Variants in HYCC1 observed in about 807,000 individuals in gnomAD.
HYCC1 encodes hyccin PI4KA lipid kinase complex subunit 1.
the HYCC1 span, among the ~76,000 whole-genome samples, chr7:23,007,869 G>C: frequency 6.6e-6 from 1 of 151,962 alleles, no homozygotes; most frequent in Admixed American, 6.6e-5. Context: ...CATTAAGAGG[G>C]CATGTGATCA....
At chr7:22,993,029 G>A in the HYCC1 span, among the ~76,000 whole-genome samples, 3 of 152,096 alleles carry the variant, frequency 2.0e-5, no homozygotes, top group Non-Finnish European at 4.4e-5. Context: ...GGCACTGTCA[G>A]AAGAATAGAA....
chr7:22,900,340 T>C, the HYCC1 span, among the ~76,000 whole-genome samples: 1 of 152,260 alleles, frequency 6.6e-6, no homozygotes, highest in Non-Finnish European at 1.5e-5. Context: ...CCTTCTTTCC[T>C]ACTAGCAAAT....
the HYCC1 span, among the ~76,000 whole-genome samples, chr7:22,983,222 G>C: frequency 1.3e-5 from 2 of 151,818 alleles, no homozygotes; most frequent in African/African-American, 4.8e-5. Context: ...CCAGCTATTG[G>C]GGGTGCTGAG....
chr7:22,956,924 A>G, the HYCC1 span, among the ~76,000 whole-genome samples: 1 of 151,974 alleles, frequency 6.6e-6, no homozygotes, highest in Non-Finnish European at 1.5e-5. Flanking sequence ...AGAATAAAGT[A>G]ATTTTTAAAC....
chr7:22,992,455 A>G, the HYCC1 span, among the ~76,000 whole-genome samples: 64 of 152,106 alleles, frequency 4.2e-4, no homozygotes, highest in Non-Finnish European at 6.8e-4. Context: ...GGGCTTTGAA[A>G]TTATGTCCAA....
chr7:22,898,486 AC>A, the HYCC1 span, among the ~76,000 whole-genome samples: 2 of 151,836 alleles, frequency 1.3e-5, no homozygotes, highest in Non-Finnish European at 2.9e-5. Context: ...TGCTGGGATT[AC>A]AGGTGTGAGC....
the HYCC1 span, among the ~76,000 whole-genome samples, chr7:22,906,600 A>G: frequency 6.6e-6 from 1 of 151,790 alleles, no homozygotes; most frequent in African/African-American, 2.4e-5. Flanking sequence ...AGAATGATAC[A>G]TGACAAAATG....
chr7:22,906,814 A>G, the HYCC1 span, among the ~76,000 whole-genome samples: 1 of 152,138 alleles, frequency 6.6e-6, no homozygotes, highest in Non-Finnish European at 1.5e-5. Context: ...AATGAAAAAT[A>G]CACACCTGGC....
At chr7:22,995,947 C>T in the HYCC1 span, among the ~76,000 whole-genome samples, 2 of 152,266 alleles carry the variant, frequency 1.3e-5, no homozygotes, top group East Asian at 1.9e-4. Context: ...CATGAGCCAC[C>T]GTGCCTGGCC....
At chr7:22,976,044 C>G in the HYCC1 span, among the ~76,000 whole-genome samples, 1 of 152,088 alleles carries the variant, frequency 6.6e-6, no homozygotes, top group African/African-American at 2.4e-5. Flanking sequence ...TTGTGACTAT[C>G]AATTATAGGG....
At chr7:23,014,074 C>T in the HYCC1 span, 4 of 470,476 alleles carry the variant, frequency 8.5e-6, no homozygotes, top group African/African-American at 6.0e-5. Context: ...CATCTTCCCC[C>T]TCCTCTCACT....
chr7:22,941,368 CCA>C, the HYCC1 span: 2 of 152,034 alleles, frequency 1.3e-5, no homozygotes, highest in Non-Finnish European at 2.9e-5. Context: ...AAACTAAACT[CCA>C]GTTTATTTCC....
the HYCC1 span, among the ~76,000 whole-genome samples, chr7:22,974,888 T>C: frequency 6.6e-6 from 1 of 152,210 alleles, no homozygotes; most frequent in African/African-American, 2.4e-5. Context: ...ATCTGATGGT[T>C]TTATAAAGGG....
the HYCC1 span, among the ~76,000 whole-genome samples, chr7:23,008,896 CAG>C: frequency 6.6e-6 from 1 of 151,934 alleles, no homozygotes; most frequent in Non-Finnish European, 1.5e-5. Context: ...TATAAGGAAA[CAG>C]AGGTGAATAG....
At chr7:22,955,808 G>T in the HYCC1 span, among the ~76,000 whole-genome samples, 8 of 151,560 alleles carry the variant, frequency 5.3e-5, no homozygotes, top group Admixed American at 5.3e-4. Context: ...CTTAAGAAAA[G>T]GGGCTTTTTA....
the HYCC1 span, among the ~76,000 whole-genome samples, chr7:22,953,211 T>A: frequency 6.6e-6 from 1 of 151,886 alleles, no homozygotes; most frequent in East Asian, 1.9e-4. Flanking sequence ...TTATTACAGA[T>A]CCTCATGACC....
At chr7:23,005,421 T>G in the HYCC1 span, among the ~76,000 whole-genome samples, 2 of 152,162 alleles carry the variant, frequency 1.3e-5, no homozygotes, top group African/African-American at 4.8e-5. Context: ...TAACAAAATA[T>G]TAATCATTTG....
chr7:22,963,489 G>C, the HYCC1 span, among the ~76,000 whole-genome samples: 2 of 152,116 alleles, frequency 1.3e-5, no homozygotes, highest in African/African-American at 4.8e-5. Flanking sequence ...TGAAGATATA[G>C]CTAACAGAAA....
At chr7:22,933,972 TTCAA>T in the HYCC1 span, among the ~76,000 whole-genome samples, 6 of 152,298 alleles carry the variant, frequency 3.9e-5, no homozygotes, top group South Asian at 2.1e-4. Context: ...ACTGCATTAA[TTCAA>T]TCAATCATTC....
Sources: allele counts gnomAD v4.1 joint callset (sites outside exome capture counted in the v4.1 genomes callset), GRCh38; gene constraint gnomAD v4.1.1; transcripts MANE v1.5; gene names NCBI Gene and HGNC (gene_info 2026-07-23, HGNC 2026-07-21).